Variants in GRID2 observed in about 807,000 individuals in gnomAD.
GRID2 encodes the protein glutamate receptor ionotropic, delta-2.
In GRID2, 33 loss-of-function variants were observed where a neutral mutation model predicts 114.8. That is an observed-to-expected ratio of 0.29 (90% CI 0.22 to 0.38). The LOEUF is 0.38. Ranked by LOEUF, GRID2 falls within the 10% of genes least tolerant of loss-of-function variation. GRID2 has a pLI of 1.00. For missense variants in GRID2, 1,184 were observed against 1,257.7 expected, an observed-to-expected ratio of 0.94 and a Z score of 0.89; for synonymous variants, 505 against 449.9, an observed-to-expected ratio of 1.12 and a Z score of -1.55.
chr4:93,515,649 A>G lies in GRID2; in HGVS notation c.2193+238A>G, dbSNP rs149455470. ...ATTTGAATTCCAAAATCAAATACACACACTGGTATTTTGTTCAGAAAAGGG... is the reference window on the plus strand; with the variant it reads ...ATTTGAATTCCAAAATCAAATACACGCACTGGTATTTTGTTCAGAAAAGGG... On this transcript the variant is annotated intron_variant, in intron 13 of 15. Transcript: ENST00000282020. Among the ~76,000 whole-genome samples, 75 of 152,300 alleles carry G rather than the reference A, an allele frequency of 4.9e-4. No homozygotes were observed. In the East Asian group the frequency reaches 0.013, roughly 27 times the overall value.
chr4:92,508,144 T>G (rs1046068721), intron 1 of GRID2, among the ~76,000 whole-genome samples: 1 of 152,040 alleles, frequency 6.6e-6, no homozygotes, highest in Non-Finnish European at 1.5e-5. Flanking sequence ...TTATTCTTTT[T>G]GTAAACACAG....
chr4:93,296,946 A>C (rs982810666), intron 8 of GRID2, among the ~76,000 whole-genome samples: 8 of 152,196 alleles, frequency 5.3e-5, no homozygotes, highest in African/African-American at 1.9e-4. Flanking sequence ...TGTATTCCAA[A>C]ACTTTGAATT....
intron 2 of GRID2, among the ~76,000 whole-genome samples, chr4:92,677,722 C>A (rs1733446853): frequency 1.3e-5 from 2 of 152,178 alleles, no homozygotes; most frequent in South Asian, 4.2e-4. Flanking sequence ...TTTACAGGTT[C>A]TATTTTCTAT....
intron 14 of GRID2, among the ~76,000 whole-genome samples, chr4:93,680,586 A>G (rs1038411896): frequency 2.0e-5 from 3 of 151,816 alleles, no homozygotes; most frequent in Admixed American, 6.6e-5. Flanking sequence ...CACCATGATC[A>G]AGTGGGCTTC....
chr4:92,584,550 G>A (rs1728332870), intron 1 of GRID2, among the ~76,000 whole-genome samples: 1 of 151,870 alleles, frequency 6.6e-6, no homozygotes, highest in African/African-American at 2.4e-5. Context: ...AGTTTTTGAA[G>A]CTTCTCAGGC....
intron 2 of GRID2, among the ~76,000 whole-genome samples, chr4:93,072,290 C>T (rs976422796): frequency 1.8e-4 from 28 of 152,174 alleles, no homozygotes; most frequent in African/African-American, 4.8e-4. Flanking sequence ...AACAGTCTGT[C>T]CTTAGAGATA....
At chr4:93,073,630 A>G (rs113170388) in intron 2 of GRID2, among the ~76,000 whole-genome samples, 1 of 152,066 alleles carries the variant, frequency 6.6e-6, no homozygotes, top group Non-Finnish European at 1.5e-5. Context: ...CTTTATCCCT[A>G]GAAAGTAAAA....
At chr4:93,008,733 A>G (rs1377166479) in intron 2 of GRID2, among the ~76,000 whole-genome samples, 1 of 152,144 alleles carries the variant, frequency 6.6e-6, no homozygotes, top group Admixed American at 6.6e-5. Context: ...GATCTTTTGC[A>G]TCGGCCATAG....
At chr4:92,359,673 G>A (rs946283523) in intron 1 of GRID2, among the ~76,000 whole-genome samples, 3 of 151,980 alleles carry the variant, frequency 2.0e-5, no homozygotes, top group Non-Finnish European at 2.9e-5. Context: ...AGGCGCTACT[G>A]AGAGGCAGGT....
intron 10 of GRID2, among the ~76,000 whole-genome samples, chr4:93,435,192 C>T (rs1198581209): frequency 1.3e-5 from 2 of 152,044 alleles, no homozygotes; most frequent in Non-Finnish European, 2.9e-5. Flanking sequence ...ACTACTGAAG[C>T]CTCAATATCT....
intron 3 of GRID2, among the ~76,000 whole-genome samples, chr4:93,087,000 GT>G (rs1266839925): frequency 1.3e-5 from 2 of 149,300 alleles, no homozygotes; most frequent in Non-Finnish European, 3.0e-5. Flanking sequence ...ACAATTTTCA[GT>G]TAGTACTATG....
intron 1 of GRID2, among the ~76,000 whole-genome samples, chr4:92,553,658 T>C (rs1726706152): frequency 1.3e-5 from 2 of 151,658 alleles, no homozygotes; most frequent in African/African-American, 2.4e-5. Flanking sequence ...TTAACTTTTC[T>C]TTTTTTTTAT....
At chr4:93,553,041 A>G (rs1416553163) in intron 13 of GRID2, among the ~76,000 whole-genome samples, 2 of 152,160 alleles carry the variant, frequency 1.3e-5, no homozygotes, top group Middle Eastern at 3.2e-3. Flanking sequence ...ATTGATGGAC[A>G]TTTGGGTTGG....
intron 2 of GRID2, among the ~76,000 whole-genome samples, chr4:92,830,577 A>C (rs1205041963): frequency 6.6e-6 from 1 of 152,166 alleles, no homozygotes; most frequent in Non-Finnish European, 1.5e-5. Flanking sequence ...TTATCAAAAC[A>C]CATTTTTTAT....
At chr4:92,478,066 A>G (rs904944301) in intron 1 of GRID2, among the ~76,000 whole-genome samples, 1 of 151,792 alleles carries the variant, frequency 6.6e-6, no homozygotes, top group Non-Finnish European at 1.5e-5. Flanking sequence ...AAATAACATT[A>G]AAAAATTGAC....
Position 92,632,127 on chromosome 4 carries a change from A to G in GRID2, c.244+41841A>G, listed in dbSNP as rs191025465. ...TTTCAAAGGTCATTTAAATTTGAAG[A>G]CTTTGCGCTTTAAAATCTGAACATG... On this transcript the variant is annotated intron_variant, in intron 2 of 15. Coordinates refer to ENST00000282020, the MANE Select transcript of GRID2 (RefSeq NM_001510.4). Among the ~76,000 whole-genome samples the G allele has an allele frequency of 3.4e-3, 513 of 152,246 alleles. 2 individuals carry two copies. Among genetic ancestry groups the G allele is most frequent in the African/African-American group, 0.012 (489 of 41,544 alleles).
intron 8 of GRID2, among the ~76,000 whole-genome samples, chr4:93,370,766 C>T (rs1762812806): frequency 6.6e-6 from 1 of 152,012 alleles, no homozygotes; most frequent in Non-Finnish European, 1.5e-5. Context: ...CATATGCGAT[C>T]GTGTTTATTT....
intron 11 of GRID2, among the ~76,000 whole-genome samples, chr4:93,465,003 T>C (rs1483656914): frequency 6.6e-6 from 1 of 152,228 alleles, no homozygotes; most frequent in Admixed American, 6.5e-5. Context: ...CCAACTTGGA[T>C]ATTAAACAAG....
At chr4:93,338,673 A>G (rs560251675) in intron 8 of GRID2, among the ~76,000 whole-genome samples, 2 of 152,306 alleles carry the variant, frequency 1.3e-5, no homozygotes, top group South Asian at 4.2e-4. Flanking sequence ...AGCTGGCTCT[A>G]TCACACCACT....
Sources: allele counts gnomAD v4.1 joint callset (sites outside exome capture counted in the v4.1 genomes callset), GRCh38; gene constraint gnomAD v4.1.1; transcripts MANE v1.5; gene names NCBI Gene and HGNC (gene_info 2026-07-23, HGNC 2026-07-21).